Variants in PNP observed in about 807,000 individuals in gnomAD.
PNP encodes the protein purine nucleoside phosphorylase.
PNP carries 18 observed loss-of-function variants against 26.8 expected under a neutral mutation model. That is an observed-to-expected ratio of 0.67 (90% confidence interval 0.46 to 1.00). PNP has a LOEUF of 1.00. Ranked by LOEUF, PNP falls within the 50% of genes least tolerant of loss-of-function variation. The pLI, the probability that PNP is intolerant of heterozygous loss-of-function variation, is 0.00. For synonymous variants in PNP, 116 were observed against 124.8 expected, an observed-to-expected ratio of 0.93 and a Z score of 0.47; for missense variants, 320 against 362.9, an observed-to-expected ratio of 0.88 and a Z score of 0.96.
At position 20,475,082 on chromosome 14, in the gene PNP, C is replaced by A; in HGVS notation, c.482C>A (p.Ala161Asp). Reference sequence around the variant, plus strand: ...CCTAGGTTTGGAGATCGTTTCCCTGCCATGTCTGATGCCTACGACCGGACT... The same window carrying A: ...CCTAGGTTTGGAGATCGTTTCCCTGACATGTCTGATGCCTACGACCGGACT... ...NDERFGDRFP[A>D]MSDAYDRTMR... is the part of the protein sequence containing the mutation. The change falls in exon 5 of 6, where the codon GCC becomes GAC. Residue 161 changes from alanine (A) to aspartate (D), a missense_variant. Transcript: ENST00000361505. 6.2e-7 allele frequency: 1 copy of A among 1,614,170 alleles called. No homozygotes were observed. The highest frequency in any genetic ancestry group is 8.5e-7 in the Non-Finnish European group (1 of 1,180,034).
At chr14:20,470,010 C>G (rs543904413) in intron 1 of PNP, among the ~76,000 whole-genome samples, 2 of 152,342 alleles carry the variant, frequency 1.3e-5, no homozygotes, top group East Asian at 3.9e-4. Context: ...TACTCACCTC[C>G]TTTGCCAGTT....
Position 20,471,061 on chromosome 14 carries a change from C to T in PNP, c.12-1247C>T, listed in dbSNP as rs867602901. Among the ~76,000 whole-genome samples the T allele has an allele frequency of 5.6e-4, 85 of 152,012 alleles. 1 individual carries two copies. Among genetic ancestry groups the T allele is most frequent in the African/African-American group, 2.0e-3 (81 of 41,442 alleles). On this transcript the variant is annotated intron_variant, in intron 1 of 5. Coordinates refer to ENST00000361505, the MANE Select transcript of PNP (RefSeq NM_000270.4). ...TTTATTTATTTTGGAGTCGGAGTCT[C>T]GCTCTGTCTCCCAGGCTGGAGTTCA... is the stretch of plus-strand genomic sequence containing the variant.
rs572290076 is a variant in PNP at position 20,469,891 on chromosome 14, A to G, written c.11+356A>G. On this transcript the variant is annotated intron_variant, in intron 1 of 5. Transcript: ENST00000361505. ...ATATCCCTCACTCCATACCAGGAGG[A>G]GGTCTCCTCACCCCCTGCGCTCTTC... The G allele has an allele frequency of 3.8e-5, 18 of 468,166 alleles. No homozygotes were observed. In the South Asian group the frequency reaches 4.7e-4, roughly 12 times the overall value. The allele number at this position is 468,166 out of a possible 1,614,324, so 29.0% of individuals were successfully genotyped here. A position where few individuals can be genotyped will look rare whatever the true frequency, so the allele number is the denominator to read the frequency against.
At chr14:20,475,772 C>T (rs1213812428) in intron 5 of PNP, among the ~76,000 whole-genome samples, 2 of 152,160 alleles carry the variant, frequency 1.3e-5, no homozygotes, top group Non-Finnish European at 1.5e-5. Context: ...AGGCGCGACG[C>T]ACTGTGCCTG....
intron 1 of PNP, 175 bp downstream of exon 1, chr14:20,469,710 C>A: frequency 1.1e-6 from 1 of 873,044 alleles, no homozygotes; most frequent in Non-Finnish European, 1.8e-6. Flanking sequence ...ATGCGGCAGC[C>A]AGCGCGGGCA....
In PNP at chr14:20,475,120, G is replaced by A; in HGVS notation, c.520G>A (p.Ala174Thr). ...CTACGACCGGACTATGAGGCAGAGGGCTCTCAGTACCTGGAAACAAATGGG... is the reference window on the plus strand; with the variant it reads ...CTACGACCGGACTATGAGGCAGAGGACTCTCAGTACCTGGAAACAAATGGG... ...DAYDRTMRQR[A>T]LSTWKQMGEQ... Residue 174 changes from alanine to threonine, a missense_variant, in exon 5 of 6, where the codon GCT becomes ACT. Physicochemically the swap from Ala to Thr is moderately conservative, Grantham distance 58 (BLOSUM62 0). Transcript: ENST00000361505. The A allele has an allele frequency of 6.2e-7, 1 of 1,614,216 alleles. No individual in the cohort carries two copies. Among genetic ancestry groups the A allele is most frequent in the Non-Finnish European group, 8.5e-7 (1 of 1,180,040 alleles).
intron 1 of PNP, among the ~76,000 whole-genome samples, chr14:20,472,092 A>G (rs1881998679): frequency 6.6e-6 from 1 of 152,136 alleles, no homozygotes; most frequent in Admixed American, 6.5e-5. Context: ...CAGGCTCTAG[A>G]ATGGAGGTAG....
rs61730856 is a variant in PNP, at chr14:20,474,597, G to A, written c.285+22G>A. ...GAAGGTAAGTCAGAGGGATAGGTCC[G>A]GTTGGATCTGGAAGAGGCAGGAGAG... On this transcript the variant is annotated intron_variant, in intron 3 of 5. Coordinates refer to ENST00000361505, the MANE Select transcript of PNP (RefSeq NM_000270.4). 6.3e-3 allele frequency: 9,998 copies of A among 1,597,514 alleles called. 449 individuals carry two copies. The African/African-American group carries it at 0.11, about 17-fold the overall frequency.
intron 1 of PNP, among the ~76,000 whole-genome samples, chr14:20,471,248 A>G (rs994834257): frequency 4.6e-5 from 6 of 131,138 alleles, no homozygotes; most frequent in African/African-American, 1.8e-4. Context: ...ACGGGGTTTC[A>G]ACATGTTAGC....
chr14:20,476,182 G>A (rs921377325), intron 5 of PNP, among the ~76,000 whole-genome samples: 7 of 152,146 alleles, frequency 4.6e-5, no homozygotes, highest in African/African-American at 1.7e-4. Context: ...ATGTTGCCCA[G>A]GCTGGTCTCA....
In PNP at chr14:20,474,798, A is replaced by G. The variant is rs1882062943; in HGVS notation, c.311A>G (p.His104Arg). The G allele has an allele frequency of 1.9e-6, 3 of 1,613,960 alleles. No individual in the cohort carries two copies. Among genetic ancestry groups the G allele is most frequent in the Middle Eastern group, 1.6e-4 (1 of 6,084 alleles). The change falls in exon 4 of 6, where the codon CAC becomes CGC. Residue 104 changes from histidine to arginine, a missense_variant. Transcript: ENST00000361505. Reference protein sequence around the residue: ...WKVTFPVRVFHLLGVDTLVVT... With the variant: ...WKVTFPVRVFRLLGVDTLVVT... Reference sequence around the variant, plus strand: ...GTGACATTCCCAGTGAGGGTTTTCCACCTTCTGGGTGTGGACACCCTGGTA... The same window carrying G: ...GTGACATTCCCAGTGAGGGTTTTCCGCCTTCTGGGTGTGGACACCCTGGTA...
At position 20,469,592 on chromosome 14, in the gene PNP, G is replaced by C. The variant is rs1008676818; in HGVS notation, c.11+57G>C. 5 of 1,551,030 alleles carry C rather than the reference G, an allele frequency of 3.2e-6. No individual in the cohort carries two copies. In the African/African-American group the frequency reaches 4.1e-5, roughly 13 times the overall value. On this transcript the variant is annotated intron_variant, in intron 1 of 5. Coordinates refer to ENST00000361505, the MANE Select transcript of PNP (RefSeq NM_000270.4). Reference sequence around the variant, plus strand: ...GGGGAGGGGCAGGTGCTGTGACCCGGGAACCTGGCACACTGGGCCCAGAGG... The same window carrying C: ...GGGGAGGGGCAGGTGCTGTGACCCGCGAACCTGGCACACTGGGCCCAGAGG...
intron 5 of PNP, 26 bp downstream of exon 5, chr14:20,475,278 C>A: frequency 6.2e-7 from 1 of 1,603,284 alleles, no homozygotes; most frequent in Non-Finnish European, 8.5e-7. Context: ...TGGCTGGAAG[C>A]TTGAAGAGGG....
In PNP at chr14:20,474,566, A is replaced by G; in HGVS notation, c.276A>G (p.Pro92=). 5 of 1,613,776 alleles carry G rather than the reference A, an allele frequency of 3.1e-6. No individual in the cohort carries two copies. Among genetic ancestry groups the G allele is most frequent in the Non-Finnish European group, 3.4e-6 (4 of 1,179,736 alleles). ...GGTTCCACATGTATGAAGGGTACCC[A>G]CTCTGGAAGGTAAGTCAGAGGGATA... ...QGRFHMYEGY[P]LWKVTFPVRV... The change falls in exon 3 of 6, where the codon CCA becomes CCG. Residue 92 remains proline (P), a synonymous_variant. Coordinates refer to ENST00000361505, the MANE Select transcript of PNP (RefSeq NM_000270.4).
chr14:20,473,449 A>T (rs769333248), intron 2 of PNP: 2 of 152,222 alleles, frequency 1.3e-5, no homozygotes, highest in African/African-American at 2.4e-5. Context: ...CAGAGTAAGT[A>T]TACTATGAGC....
intron 3 of PNP, 61 bp from the exon 4 acceptor site, chr14:20,474,712 A>G: frequency 6.3e-7 from 1 of 1,586,678 alleles, no homozygotes; most frequent in Non-Finnish European, 8.6e-7. Context: ...TATGTCATGC[A>G]TTTCAGTGTA....
Position 20,474,703 on chromosome 14 carries a change from A to T in PNP, c.286-70A>T, listed in dbSNP as rs566036809. 13 of 1,574,362 alleles carry T rather than the reference A, an allele frequency of 8.3e-6. No homozygotes were observed. The South Asian group carries it at 1.1e-4, about 14-fold the overall frequency. On this transcript the variant is annotated intron_variant, in intron 3 of 5. Coordinates refer to ENST00000361505, the MANE Select transcript of PNP (RefSeq NM_000270.4). The stretch of plus-strand genomic sequence containing the variant: ...TCTCCTTCCTTTTCTTTCACGATGT[A>T]TGTCATGCATTTCAGTGTAGCTGAA...
Position 20,474,949 on chromosome 14 carries a change from G to A in PNP, c.461+1G>A. 1.2e-6 allele frequency: 2 copies of A among 1,614,144 alleles called. No homozygotes were observed. Among genetic ancestry groups the A allele is most frequent in the Non-Finnish European group, 1.7e-6 (2 of 1,180,002 alleles). Reference sequence around the variant, plus strand: ...CTCTCAGAGGGCCCAATGATGAAAGGTATGTATGTTACTCCGTTTTTTTTA... The same window carrying A: ...CTCTCAGAGGGCCCAATGATGAAAGATATGTATGTTACTCCGTTTTTTTTA... On this transcript the variant is annotated splice_donor_variant, in intron 4 of 5. Coordinates refer to ENST00000361505, the MANE Select transcript of PNP (RefSeq NM_000270.4). LOFTEE classifies it high-confidence loss of function.
At chr14:20,475,899 T>C (rs925510039) in intron 5 of PNP, among the ~76,000 whole-genome samples, 7 of 152,178 alleles carry the variant, frequency 4.6e-5, no homozygotes, top group African/African-American at 1.7e-4. Flanking sequence ...GCCACAAATA[T>C]AGAAATGAAG....
Sources: allele counts gnomAD v4.1 joint callset (sites outside exome capture counted in the v4.1 genomes callset), GRCh38; gene constraint gnomAD v4.1.1; transcripts MANE v1.5; gene names NCBI Gene and HGNC (gene_info 2026-07-23, HGNC 2026-07-21).